The following LRP1B variants were observed in gnomAD, a reference collection of about 807,000 sequenced individuals.
LRP1B encodes the protein low-density lipoprotein receptor-related protein 1B.
A neutral mutation model predicts 556.6 loss-of-function variants in LRP1B; 217 were observed. That is an observed-to-expected ratio of 0.39 (90% confidence interval 0.35 to 0.44). LRP1B has a LOEUF of 0.44. LRP1B is among the 20% of genes least tolerant of loss of function. The probability of loss-of-function intolerance (pLI) is 1.00; values close to 1 mark genes in which losing one functional copy is unlikely to be tolerated. For synonymous variants in LRP1B, 2,047 were observed against 1,865.8 expected (o/e 1.10, Z -2.50); for missense variants, 5,053 against 5,620.8 (o/e 0.90, Z 3.23).
chr2:140,484,972 T>C (rs138003146), intron 59 of LRP1B, among the ~76,000 whole-genome samples: 6 of 152,268 alleles, frequency 3.9e-5, no homozygotes, highest in African/African-American at 1.4e-4. Context: ...TTGTCCATAT[T>C]TGTGACTACC....
chr2:140,459,047 C>T (rs1337683597), intron 60 of LRP1B, among the ~76,000 whole-genome samples: 1 of 152,046 alleles, frequency 6.6e-6, no homozygotes, highest in Non-Finnish European at 1.5e-5. Flanking sequence ...GATTTGTACA[C>T]TTTAGATGTT....
At chr2:140,989,778 C>T in intron 16 of LRP1B, 121 bp from the exon 17 acceptor site, 1 of 886,314 alleles carries the variant, frequency 1.1e-6, no homozygotes, top group Non-Finnish European at 1.7e-6. Flanking sequence ...GTCATAGAGT[C>T]TGTCATTCAT....
chr2:140,583,177 T>TTTC (rs1457516051), intron 43 of LRP1B, among the ~76,000 whole-genome samples: 107 of 142,198 alleles, frequency 7.5e-4, no homozygotes, highest in African/African-American at 1.1e-3. Context: ...TTTTCTTTTT[T>TTTC]TTTTTTTTTT....
At chr2:140,497,422 G>A (rs1230397694) in intron 55 of LRP1B, among the ~76,000 whole-genome samples, 1 of 151,784 alleles carries the variant, frequency 6.6e-6, no homozygotes. Flanking sequence ...AAGAAAATGG[G>A]CATACTTAAT....
At chr2:141,036,481 A>C (rs1299131326) in intron 11 of LRP1B, among the ~76,000 whole-genome samples, 1 of 152,092 alleles carries the variant, frequency 6.6e-6, no homozygotes, top group Non-Finnish European at 1.5e-5. Context: ...GAGAAAGAAG[A>C]CCTTCCACCT....
At position 140,471,141 on chromosome 2, in the gene LRP1B, T is replaced by C. The variant is rs78096053; in HGVS notation, c.9625+3997A>G. On this transcript the variant is annotated intron_variant, in intron 60 of 90. Transcript: ENST00000389484. The stretch of plus-strand genomic sequence containing the variant: ...TATTTAAAAACTGAATATTTCTACC[T>C]GGAGAACACCCTCAAATTGCCAAGT... Among the ~76,000 whole-genome samples, 349 of 152,306 alleles carry C rather than the reference T, an allele frequency of 2.3e-3. 1 individual carries two copies. The highest frequency in any genetic ancestry group is 7.8e-3 in the African/African-American group (324 of 41,572).
At chr2:141,700,764 A>G (rs75781852) in intron 2 of LRP1B, among the ~76,000 whole-genome samples, 1,785 of 151,912 alleles carry the variant, frequency 0.012, 20 homozygotes, top group South Asian at 0.023. Flanking sequence ...TTTAAGGAGA[A>G]CTTGTGCTTG....
chr2:141,444,618 T>G (rs1419571226), intron 3 of LRP1B, among the ~76,000 whole-genome samples: 1 of 152,212 alleles, frequency 6.6e-6, no homozygotes, highest in Non-Finnish European at 1.5e-5. Flanking sequence ...CTTAGTTTAT[T>G]GAGAGTTTTT....
chr2:141,617,486 G>C lies in LRP1B; in HGVS notation c.206-136953C>G, dbSNP rs557363472. ...GCTAGCCTTTAAAGTAATTTTCAGA[G>C]ATCAATGTGGTGATTTTTATTTCTA... On this transcript the variant is annotated intron_variant, in intron 2 of 90. Coordinates refer to ENST00000389484, the MANE Select transcript of LRP1B (RefSeq NM_018557.3). Among the ~76,000 whole-genome samples the C allele has an allele frequency of 2.0e-5, 3 of 152,218 alleles. No homozygotes were observed. The South Asian group carries it at 6.2e-4, about 31-fold the overall frequency.
At chr2:141,391,503 G>T (rs533478020) in intron 3 of LRP1B, among the ~76,000 whole-genome samples, 6 of 151,532 alleles carry the variant, frequency 4.0e-5, no homozygotes, top group South Asian at 2.1e-4. Flanking sequence ...CTTCAATAAG[G>T]TTGGAAAAAA....
intron 43 of LRP1B, among the ~76,000 whole-genome samples, chr2:140,550,256 C>G (rs1680498117): frequency 6.6e-6 from 1 of 152,054 alleles, no homozygotes; most frequent in Non-Finnish European, 1.5e-5. Flanking sequence ...TTTCTAAGCG[C>G]TTCACTTCAT....
chr2:140,476,107 TA>T (rs1687962913), intron 59 of LRP1B, among the ~76,000 whole-genome samples: 1 of 152,064 alleles, frequency 6.6e-6, no homozygotes, highest in Non-Finnish European at 1.5e-5. Context: ...TTACACCCGA[TA>T]AAATGCAAAT....
chr2:140,363,669 A>T (rs1682622070), intron 72 of LRP1B, among the ~76,000 whole-genome samples: 1 of 151,332 alleles, frequency 6.6e-6, no homozygotes, highest in South Asian at 2.1e-4. Flanking sequence ...CTATAGAAAA[A>T]AACTCTCCAA....
At chr2:141,034,198 G>A (rs1698461774) in intron 11 of LRP1B, among the ~76,000 whole-genome samples, 1 of 152,048 alleles carries the variant, frequency 6.6e-6, no homozygotes, top group African/African-American at 2.4e-5. Context: ...TTGTTAGTCA[G>A]TCTGGTTCAA....
chr2:140,489,782 A>T (rs777967435), intron 57 of LRP1B, among the ~76,000 whole-genome samples: 1 of 152,050 alleles, frequency 6.6e-6, no homozygotes, highest in Admixed American at 6.6e-5. Flanking sequence ...ACATGTCTCT[A>T]ACTTGAGCAA....
intron 82 of LRP1B, among the ~76,000 whole-genome samples, chr2:140,320,343 TTTTAGACACTGA>T (rs1375132901): frequency 1.3e-5 from 2 of 152,138 alleles, no homozygotes; most frequent in African/African-American, 4.8e-5. Flanking sequence ...ACTACAATAG[TTTTAGACACTGA>T]GTGCCTTATA....
At chr2:141,296,145 G>A (rs922168273) in intron 3 of LRP1B, among the ~76,000 whole-genome samples, 3 of 152,004 alleles carry the variant, frequency 2.0e-5, no homozygotes, top group Non-Finnish European at 2.9e-5. Flanking sequence ...AAAAAATCAT[G>A]GAATATTTTT....
At chr2:141,832,070 T>C (rs1478935116) in intron 1 of LRP1B, among the ~76,000 whole-genome samples, 1 of 151,748 alleles carries the variant, frequency 6.6e-6, no homozygotes. Context: ...CTCATTCTCA[T>C]ATGTCTTTCT....
At chr2:141,024,527 C>A (rs931096615) in intron 11 of LRP1B, among the ~76,000 whole-genome samples, 19 of 151,920 alleles carry the variant, frequency 1.3e-4, no homozygotes, top group Non-Finnish European at 2.6e-4. Flanking sequence ...GTTATTTTAT[C>A]TTTGATACAA....
Sources: gnomAD v4.1 joint callset for allele counts (sites outside exome capture counted in the v4.1 genomes callset) on GRCh38, gnomAD v4.1.1 for gene constraint, MANE v1.5 for transcripts, NCBI Gene and HGNC (gene_info 2026-07-23, HGNC 2026-07-21) for gene names.